Variants in SMARCAD1 observed in about 807,000 individuals in gnomAD.
The protein encoded by SMARCAD1 is SNF2 related chromatin remodeling ATPase with DExD box 1, also known as SWI/SNF-related matrix-associated actin-dependent regulator of chromatin subfamily A containing DEAD/H box 1.
Under a neutral mutation model 127.1 loss-of-function variants are expected in SMARCAD1, and 25 were observed. The ratio of observed to expected loss-of-function variants is 0.20; its 90% CI spans 0.14 to 0.27. SMARCAD1 has a LOEUF of 0.27. Among genes scored for constraint, SMARCAD1 ranks in the 10% least tolerant of loss-of-function variants. The pLI is 1.00. For synonymous variants in SMARCAD1, 400 were observed against 396.9 expected (o/e 1.01, Z -0.09); for missense variants, 807 against 1,206.0 (o/e 0.67, Z 4.90).
chr4:94,208,589 G>T lies in SMARCAD1; in HGVS notation c.190+5G>T. 1 of 1,613,216 alleles carries T rather than the reference G, an allele frequency of 6.2e-7. No homozygotes were observed. Among genetic ancestry groups the T allele is most frequent in the Non-Finnish European group, 8.5e-7 (1 of 1,179,214 alleles). Reference sequence around the variant, plus strand: ...CAGATATAACTGAAAAAACAGGTGAGTTACAATGTTAAAATTGATGTAACA... The same window carrying T: ...CAGATATAACTGAAAAAACAGGTGATTTACAATGTTAAAATTGATGTAACA... On this transcript the variant is annotated splice_donor_5th_base_variant and intron_variant, in intron 2 of 23. Coordinates refer to ENST00000354268, the MANE Select transcript of SMARCAD1 (RefSeq NM_020159.5).
chr4:94,252,799 C>T lies in SMARCAD1; in HGVS notation c.1073C>T (p.Ser358Phe), dbSNP rs373573803. ...VFNPKRVVEDSEYDSGSDVGS... is the reference protein window; with the variant it reads ...VFNPKRVVEDFEYDSGSDVGS... ...AATCCAAAGAGAGTTGTTGAAGACTCTGAATATGATTCAGGTTCTGATGTC... is the reference window on the plus strand; with the variant it reads ...AATCCAAAGAGAGTTGTTGAAGACTTTGAATATGATTCAGGTTCTGATGTC... The change falls in exon 9 of 24, where the codon TCT becomes TTT. Residue 358 changes from serine (S) to phenylalanine (F), a missense_variant. By Grantham distance (155) the Ser-to-Phe change is radical (BLOSUM62 -2). Transcript: ENST00000354268. 6 of 1,613,922 alleles carry T rather than the reference C, an allele frequency of 3.7e-6. No homozygotes were observed. The African/African-American group carries it at 8.0e-5, about 22-fold the overall frequency.
intron 2 of SMARCAD1, among the ~76,000 whole-genome samples, chr4:94,211,664 C>T (rs1017343806): frequency 5.3e-5 from 8 of 152,072 alleles, no homozygotes; most frequent in Admixed American, 5.2e-4. Context: ...GACTTCATTT[C>T]CTATGACCCT....
At chr4:94,285,203 G>T in intron 23 of SMARCAD1, 134 bp downstream of exon 23, 3 of 550,472 alleles carry the variant, frequency 5.4e-6, no homozygotes, top group Non-Finnish European at 6.6e-6. Flanking sequence ...TGTGGGAGAA[G>T]GTAAGCATGT....
At position 94,244,651 on chromosome 4, in the gene SMARCAD1, G is replaced by A. The variant is rs558748441; in HGVS notation, c.705+3645G>A. Among the ~76,000 whole-genome samples, 3 of 152,008 alleles carry A rather than the reference G, an allele frequency of 2.0e-5. No homozygotes were observed. In the East Asian group the frequency reaches 5.8e-4, roughly 29 times the overall value. On this transcript the variant is annotated intron_variant, in intron 6 of 23. Coordinates refer to ENST00000354268, the MANE Select transcript of SMARCAD1 (RefSeq NM_020159.5). ...AGATATTGTTAACGTCAGCCTTTGA[G>A]GTTCATGTCAGGTATAGCAAAAATG...
intron 9 of SMARCAD1, among the ~76,000 whole-genome samples, chr4:94,257,926 A>G (rs1226883615): frequency 2.0e-5 from 3 of 152,082 alleles, no homozygotes; most frequent in African/African-American, 4.8e-5. Context: ...TTCTGTTAAT[A>G]TATGTTAATA....
chr4:94,265,131 G>A (rs1028666427), intron 10 of SMARCAD1, among the ~76,000 whole-genome samples: 3 of 151,730 alleles, frequency 2.0e-5, no homozygotes, highest in Non-Finnish European at 4.4e-5. Context: ...ATTAAAGGGG[G>A]GGATGGTATG....
At chr4:94,266,359 A>G (rs1751727894) in intron 10 of SMARCAD1, among the ~76,000 whole-genome samples, 1 of 152,162 alleles carries the variant, frequency 6.6e-6, no homozygotes, top group Admixed American at 6.5e-5. Context: ...TAGTTTGATC[A>G]GGTAATAAAC....
At chr4:94,249,609 A>G in intron 6 of SMARCAD1, 45 bp from the exon 7 acceptor site, 1 of 999,238 alleles carries the variant, frequency 1.0e-6, no homozygotes, top group Non-Finnish European at 1.6e-6. Context: ...GACCATTGTT[A>G]TTGATATCTC....
At chr4:94,222,572 T>G (rs889405803) in intron 2 of SMARCAD1, among the ~76,000 whole-genome samples, 1 of 152,178 alleles carries the variant, frequency 6.6e-6, no homozygotes, top group Non-Finnish European at 1.5e-5. Context: ...ATCTGATAAG[T>G]GCTAAGTAAT....
intron 2 of SMARCAD1, among the ~76,000 whole-genome samples, chr4:94,218,275 T>C (rs1743519459): frequency 6.6e-6 from 1 of 152,044 alleles, no homozygotes; most frequent in South Asian, 2.1e-4. Flanking sequence ...TTTTAATTAA[T>C]TAATTGTTTT....
chr4:94,245,969 T>G (rs1430478262), intron 6 of SMARCAD1, among the ~76,000 whole-genome samples: 1 of 152,172 alleles, frequency 6.6e-6, no homozygotes. Flanking sequence ...TGCCAAAGAC[T>G]TCATACAACA....
intron 21 of SMARCAD1, among the ~76,000 whole-genome samples, chr4:94,282,290 G>T (rs1754209040): frequency 6.8e-6 from 1 of 147,280 alleles, no homozygotes; most frequent in South Asian, 2.2e-4. Flanking sequence ...TAGAGACGGG[G>T]TTTCACCGTG....
intron 10 of SMARCAD1, 187 bp from the exon 11 acceptor site, chr4:94,270,541 A>C: frequency 3.7e-6 from 2 of 540,600 alleles, no homozygotes; most frequent in Non-Finnish European, 6.7e-6. Context: ...TAGAGAATAA[A>C]GTTTGAGAAG....
At chr4:94,265,705 A>C (rs944305801) in intron 10 of SMARCAD1, among the ~76,000 whole-genome samples, 1 of 151,908 alleles carries the variant, frequency 6.6e-6, no homozygotes, top group African/African-American at 2.4e-5. Context: ...AAATAATATA[A>C]AACTGTTAAT....
In SMARCAD1 at chr4:94,264,746, T is replaced by C; in HGVS notation, c.1321T>C (p.Leu441=). Residue 441 remains leucine (L), a synonymous_variant, in exon 10 of 24, where the codon TTG becomes CTG. Transcript: ENST00000354268. ...MSKTNGLSED[L]IWHCKTLIQE... ...CAAAACTAATGGCTTATCAGAAGAT[T>C]TGATATGGCACTGTAAAACACTGAT... 6.2e-7 allele frequency: 1 copy of C among 1,612,192 alleles called. No individual in the cohort carries two copies. Among genetic ancestry groups the C allele is most frequent in the Non-Finnish European group, 8.5e-7 (1 of 1,178,978 alleles).
intron 8 of SMARCAD1, among the ~76,000 whole-genome samples, chr4:94,251,796 T>TA (rs1020357165): frequency 2.0e-5 from 3 of 152,198 alleles, no homozygotes; most frequent in Admixed American, 2.0e-4. Context: ...TGTAAACTGA[T>TA]AATCAGTGAT....
intron 2 of SMARCAD1, among the ~76,000 whole-genome samples, chr4:94,216,139 C>G (rs1427732650): frequency 6.6e-6 from 1 of 152,106 alleles, no homozygotes; most frequent in Non-Finnish European, 1.5e-5. Flanking sequence ...AGTGAGGGGT[C>G]TCTTGGGCCT....
At chr4:94,219,696 A>G (rs1159660998) in intron 2 of SMARCAD1, among the ~76,000 whole-genome samples, 1 of 152,212 alleles carries the variant, frequency 6.6e-6, no homozygotes, top group African/African-American at 2.4e-5. Flanking sequence ...CTTTAAAACA[A>G]GTTAGCTTTT....
rs965972459 is a variant in SMARCAD1, at chr4:94,271,554, C to T, written c.1572+736C>T. On this transcript the variant is annotated intron_variant, in intron 11 of 23. Transcript: ENST00000354268. ...GTTAACACAGATAATGATATTTGTT[C>T]CCTCATTAGCCTCTAAGAAAGTAAT... Among the ~76,000 whole-genome samples the T allele has an allele frequency of 2.6e-5, 4 of 152,154 alleles. No individual in the cohort carries two copies. In the East Asian group the frequency reaches 5.8e-4, roughly 22 times the overall value.
Sources: gnomAD v4.1 joint callset for allele counts (sites outside exome capture counted in the v4.1 genomes callset) on GRCh38, gnomAD v4.1.1 for gene constraint, MANE v1.5 for transcripts, NCBI Gene and HGNC (gene_info 2026-07-23, HGNC 2026-07-21) for gene names.